Variants in TOPBP1 observed in about 807,000 individuals in gnomAD.
The protein encoded by TOPBP1 is DNA topoisomerase 2-binding protein 1.
In TOPBP1, 28 loss-of-function variants were observed where a neutral mutation model predicts 167.7. That is an observed-to-expected ratio of 0.17 (90% CI 0.12 to 0.23). TOPBP1 has a LOEUF of 0.23. TOPBP1 is among the 10% of genes least tolerant of loss of function. TOPBP1 has a pLI of 1.00. For missense variants in TOPBP1, 1,554 were observed against 1,809.6 expected, an observed-to-expected ratio of 0.86 and a Z score of 2.56; for synonymous variants, 598 against 611.4, an observed-to-expected ratio of 0.98 and a Z score of 0.32.
chr3:133,624,030 G>T, intron 17 of TOPBP1, 22 bp downstream of exon 17: 1 of 1,603,510 alleles, frequency 6.2e-7, no homozygotes, highest in South Asian at 1.1e-5. Context: ...ACAGAGATGG[G>T]GGGGAAAAAA....
intron 27 of TOPBP1, among the ~76,000 whole-genome samples, chr3:133,606,165 G>A (rs931973875): frequency 6.6e-6 from 1 of 152,100 alleles, no homozygotes; most frequent in Non-Finnish European, 1.5e-5. Flanking sequence ...TCCAGCCTGG[G>A]CAACAGAGTG....
Position 133,657,816 on chromosome 3 carries a change from A to T in TOPBP1, c.345T>A (p.Ser115Arg), listed in dbSNP as rs1559835279. The T allele has an allele frequency of 6.5e-7, 1 of 1,546,450 alleles. No homozygotes were observed. ...TATCTACCCTTTTTTCTTTTTCCAG[A>T]CTTGTACAAGATATGGTTACATCAG... ...VMSDVTISCT[S>R]LEKEKREEVH... is the part of the protein sequence containing the mutation. The change falls in exon 4 of 28, where the codon AGT (serine) becomes AGA (arginine). Residue 115 changes from serine to arginine, a missense_variant. Physicochemically the swap from Ser to Arg is moderately radical, Grantham distance 110 (BLOSUM62 -1). Transcript: ENST00000260810.
chr3:133,658,058 A>T, intron 3 of TOPBP1, 117 bp from the exon 4 acceptor site: 1 of 731,946 alleles, frequency 1.4e-6, no homozygotes, highest in East Asian at 3.3e-5. Flanking sequence ...CTGTAGAGAA[A>T]TCAGCAAATC....
chr3:133,646,855 CA>C (rs1315834738), intron 10 of TOPBP1, among the ~76,000 whole-genome samples: 1 of 152,118 alleles, frequency 6.6e-6, no homozygotes, highest in Non-Finnish European at 1.5e-5. Context: ...GAAACACTCT[CA>C]CTAAAAACAC....
intron 24 of TOPBP1, among the ~76,000 whole-genome samples, chr3:133,611,899 G>C (rs138271561): frequency 0.011 from 1,671 of 152,194 alleles, 15 homozygotes; most frequent in Middle Eastern, 0.031. Context: ...ACCATGCCCA[G>C]CTAACTGTTT....
intron 6 of TOPBP1, among the ~76,000 whole-genome samples, chr3:133,654,194 C>A (rs920151009): frequency 4.6e-5 from 7 of 152,122 alleles, no homozygotes; most frequent in African/African-American, 1.7e-4. Context: ...TTCTTTAAAC[C>A]AGCTTGTACA....
chr3:133,618,447 G>A lies in TOPBP1; in HGVS notation c.3372-14C>T. 3 of 1,606,544 alleles carry A rather than the reference G, an allele frequency of 1.9e-6. No homozygotes were observed. Among genetic ancestry groups the A allele is most frequent in the Non-Finnish European group, 2.6e-6 (3 of 1,173,930 alleles). Reference sequence around the variant, plus strand: ...TGACGAGACTGCCTAAGGAATAGAAGTGACAGTTTAAATAAACAGCAATAA... The same window carrying A: ...TGACGAGACTGCCTAAGGAATAGAAATGACAGTTTAAATAAACAGCAATAA... On this transcript the variant is annotated splice_polypyrimidine_tract_variant and intron_variant, in intron 20 of 27. Coordinates refer to ENST00000260810, the MANE Select transcript of TOPBP1 (RefSeq NM_007027.4).
At chr3:133,657,654 T>C in intron 4 of TOPBP1, 144 bp downstream of exon 4, 2 of 515,038 alleles carry the variant, frequency 3.9e-6, no homozygotes, top group East Asian at 3.6e-5. Context: ...TATACATATA[T>C]ACACACTGTG....
chr3:133,620,388 C>G, intron 19 of TOPBP1, 41 bp from the exon 20 acceptor site: 4 of 1,578,928 alleles, frequency 2.5e-6, no homozygotes, highest in Non-Finnish European at 3.4e-6. Flanking sequence ...GTAAGTTCCT[C>G]TTTTTTACCA....
At chr3:133,658,106 CAG>C (rs1435606172) in intron 3 of TOPBP1, among the ~76,000 whole-genome samples, 165 bp from the exon 4 acceptor site, 2 of 152,172 alleles carry the variant, frequency 1.3e-5, no homozygotes. Flanking sequence ...TATAATTTCT[CAG>C]AGATACTATA....
chr3:133,629,269 T>C (rs1935381069), intron 14 of TOPBP1, among the ~76,000 whole-genome samples: 1 of 152,244 alleles, frequency 6.6e-6, no homozygotes, highest in Admixed American at 6.5e-5. Flanking sequence ...CATTCTCTTT[T>C]GCATGTGTAT....
At chr3:133,643,937 G>C (rs1935986211) in intron 11 of TOPBP1, 83 bp downstream of exon 11, 1 of 1,352,332 alleles carries the variant, frequency 7.4e-7, no homozygotes, top group Non-Finnish European at 1.0e-6. Flanking sequence ...TACTGTAACT[G>C]AACTGTCTAA....
intron 20 of TOPBP1, among the ~76,000 whole-genome samples, chr3:133,619,132 A>G (rs1156516191): frequency 6.8e-6 from 1 of 146,910 alleles, no homozygotes; most frequent in Non-Finnish European, 1.5e-5. Flanking sequence ...AAAACAAAAA[A>G]CAAAAAACAA....
chr3:133,615,280 G>T (rs911002375), intron 23 of TOPBP1, among the ~76,000 whole-genome samples: 1 of 152,024 alleles, frequency 6.6e-6, no homozygotes, highest in Non-Finnish European at 1.5e-5. Context: ...GACCAGCCTG[G>T]CCAACATGGT....
In TOPBP1 at chr3:133,643,694, T is replaced by TA. The variant is rs879459806; in HGVS notation, c.1849-323dup. On this transcript the variant is annotated intron_variant, in intron 11 of 27. Transcript: ENST00000260810. ...ATTTTTCTCATAATTCTTGGAATGTTAAAAAAAAAAAAATCAACAGTGAAA... is the reference window on the plus strand; with the variant it reads ...ATTTTTCTCATAATTCTTGGAATGTTAAAAAAAAAAAAAATCAACAGTGAAA... 2.5e-3 allele frequency among the ~76,000 whole-genome samples: 370 copies of TA among 145,698 alleles called. 4 individuals carry two copies. The highest frequency in any genetic ancestry group is 8.7e-3 in the Admixed American group (126 of 14,540).
chr3:133,611,834 T>C (rs1934693149), intron 24 of TOPBP1, among the ~76,000 whole-genome samples: 1 of 152,196 alleles, frequency 6.6e-6, no homozygotes, highest in South Asian at 2.1e-4. Context: ...CCTCCTGGGC[T>C]CAAGCAATCC....
intron 13 of TOPBP1, among the ~76,000 whole-genome samples, chr3:133,638,757 T>C (rs1221683848): frequency 6.6e-6 from 1 of 152,220 alleles, no homozygotes; most frequent in African/African-American, 2.4e-5. Flanking sequence ...GAGGGTACTG[T>C]ATTCTTCCAC....
chr3:133,622,551 T>C (rs866409832), intron 19 of TOPBP1, among the ~76,000 whole-genome samples: 1 of 152,012 alleles, frequency 6.6e-6, no homozygotes, highest in African/African-American at 2.4e-5. Flanking sequence ...TATATATGCA[T>C]AAAGCAGCTC....
chr3:133,638,805 C>A (rs930223557), intron 13 of TOPBP1, among the ~76,000 whole-genome samples: 2 of 152,092 alleles, frequency 1.3e-5, no homozygotes, highest in African/African-American at 4.8e-5. Flanking sequence ...TAACAAAAAA[C>A]CTTATTAGAT....
Sources: gnomAD v4.1 joint callset for allele counts (sites outside exome capture counted in the v4.1 genomes callset) on GRCh38, gnomAD v4.1.1 for gene constraint, MANE v1.5 for transcripts, NCBI Gene and HGNC (gene_info 2026-07-23, HGNC 2026-07-21) for gene names.